Variants in PIK3R3 observed in about 807,000 individuals in gnomAD.
PIK3R3 encodes the protein phosphoinositide-3-kinase regulatory subunit 3, also known as phosphatidylinositol 3-kinase regulatory subunit gamma.
In PIK3R3, 64 loss-of-function variants were observed where a neutral mutation model predicts 62.9. That is an observed-to-expected ratio of 1.02 (90% CI 0.83 to 1.25). PIK3R3 has a LOEUF of 1.25. PIK3R3 is among the 50% of genes most tolerant of loss of function. PIK3R3 has a pLI of 0.00. For missense variants in PIK3R3, 614 were observed against 561.6 expected, an observed-to-expected ratio of 1.09 and a Z score of -0.94; for synonymous variants, 165 against 189.0, an observed-to-expected ratio of 0.87 and a Z score of 1.04.
In PIK3R3 at chr1:46,041,240, ACTGGT is replaced by A. The variant is rs1646991324; in HGVS notation, c.*2428_*2432del. 6.5e-6 allele frequency: 1 copy of A among 154,382 alleles called. No individual in the cohort carries two copies. Among genetic ancestry groups the A allele is most frequent in the Admixed American group, 6.5e-5 (1 of 15,302 alleles). The allele number at this position is 154,382 out of a possible 1,614,324, so 9.6% of individuals were successfully genotyped here. A position where few individuals can be genotyped will look rare whatever the true frequency, so the allele number is the denominator to read the frequency against. On this transcript the variant is annotated 3_prime_UTR_variant, in exon 10 of 10. Transcript: ENST00000262741. ...ACACACCAGGCCCAGTGGGTAGTAG[ACTGGT>A]CCCTATGCCATTTCCACAGGCTCAG...
rs533218453 is a variant in PIK3R3, at chr1:46,132,052, C to A, written c.-100G>T. On this transcript the variant is annotated 5_prime_UTR_variant, in exon 1 of 10. Coordinates refer to ENST00000262741, the MANE Select transcript of PIK3R3 (RefSeq NM_003629.4). ...AATATATATCTGCAAAAGTTCCACACGGAAATGTACTTCGGGTTTTCCAAC... is the reference window on the plus strand; with the variant it reads ...AATATATATCTGCAAAAGTTCCACAAGGAAATGTACTTCGGGTTTTCCAAC... 37 of 1,496,870 alleles carry A rather than the reference C, an allele frequency of 2.5e-5. No individual in the cohort carries two copies. The Admixed American group carries it at 3.1e-4, about 12-fold the overall frequency. The allele number at this position is 1,496,870 out of a possible 1,614,324, so 92.7% of individuals were successfully genotyped here. A position where few individuals can be genotyped will look rare whatever the true frequency, so the allele number is the denominator to read the frequency against.
intron 1 of PIK3R3, among the ~76,000 whole-genome samples, chr1:46,123,917 T>C (rs1654877191): frequency 6.6e-6 from 1 of 152,160 alleles, no homozygotes; most frequent in Non-Finnish European, 1.5e-5. Context: ...CAAGAGGCAA[T>C]AGAAACTAAA....
At chr1:46,058,692 T>C (rs1048955648) in intron 6 of PIK3R3, among the ~76,000 whole-genome samples, 7 of 152,198 alleles carry the variant, frequency 4.6e-5, no homozygotes, top group African/African-American at 1.7e-4. Context: ...TTTCTTCCAT[T>C]TGGAACAGGT....
chr1:46,156,248 T>A, the PIK3R3 span, among the ~76,000 whole-genome samples: 4 of 149,632 alleles, frequency 2.7e-5, no homozygotes, highest in Non-Finnish European at 5.9e-5. Context: ...ATTTCCTGTT[T>A]AAAAAAAAAA....
At chr1:46,133,432 C>T (rs978143934), upstream of PIK3R3, among the ~76,000 whole-genome samples, 9 of 152,294 alleles carry the variant, frequency 5.9e-5, no homozygotes, top group Non-Finnish European at 5.9e-5. Flanking sequence ...AGAGGGGGCA[C>T]GTTCTGTCAC....
chr1:46,155,396 G>C, the PIK3R3 span, among the ~76,000 whole-genome samples: 1 of 150,092 alleles, frequency 6.7e-6, no homozygotes, highest in African/African-American at 2.4e-5. Context: ...TTACATCTCT[G>C]TATAGCCAGT....
intron 4 of PIK3R3, 142 bp from the exon 5 acceptor site, chr1:46,066,321 G>C: frequency 1.6e-6 from 1 of 609,720 alleles, no homozygotes; most frequent in East Asian, 2.9e-5. Context: ...TTAAGCCACT[G>C]TATTAATATC....
chr1:46,071,609 A>C (rs533632633), intron 3 of PIK3R3, among the ~76,000 whole-genome samples: 1 of 148,246 alleles, frequency 6.7e-6, no homozygotes, highest in South Asian at 2.2e-4. Context: ...CAGGAGAATC[A>C]CTTGAACCTG....
chr1:46,083,657 T>A (rs1469090508), intron 1 of PIK3R3, among the ~76,000 whole-genome samples: 1 of 152,106 alleles, frequency 6.6e-6, no homozygotes, highest in East Asian at 1.9e-4. Context: ...GACAAACAAG[T>A]GGCCAATAAG....
intron 1 of PIK3R3, among the ~76,000 whole-genome samples, chr1:46,090,392 C>A (rs941687765): frequency 6.6e-6 from 1 of 151,946 alleles, no homozygotes; most frequent in South Asian, 2.1e-4. Context: ...AGTGCGGTGG[C>A]GCAATCTCGG....
rs1647030016 is a variant in PIK3R3, at chr1:46,043,393, T to C, written c.*280A>G. The C allele has an allele frequency of 4.4e-6, 2 of 454,238 alleles. No homozygotes were observed. The highest frequency in any genetic ancestry group is 3.5e-5 in the Admixed American group (1 of 28,520). The allele number at this position is 454,238 out of a possible 1,614,324, so 28.1% of individuals were successfully genotyped here. On this transcript the variant is annotated 3_prime_UTR_variant, in exon 10 of 10. Coordinates refer to ENST00000262741, the MANE Select transcript of PIK3R3 (RefSeq NM_003629.4). The stretch of plus-strand genomic sequence containing the variant: ...CAAGCCTAATATTCTGTTGAGGGTG[T>C]CTGGCTAAACAAAACAAAAACCCCA...
At chr1:46,056,050 T>G in intron 6 of PIK3R3, 79 bp from the exon 7 acceptor site, 1 of 896,696 alleles carries the variant, frequency 1.1e-6, no homozygotes, top group Admixed American at 3.1e-5. Flanking sequence ...GGTCCTAATA[T>G]CCTTTTTTTT....
chr1:46,066,101 T>C lies in PIK3R3; in HGVS notation c.574A>G (p.Ser192Gly). 2 of 1,604,876 alleles carry C rather than the reference T, an allele frequency of 1.2e-6. No individual in the cohort carries two copies. The highest frequency in any genetic ancestry group is 1.7e-6 in the Non-Finnish European group (2 of 1,171,940). Reference protein sequence around the residue: ...QEYHSQYQEKSKEYDRLYEEY... With the variant: ...QEYHSQYQEKGKEYDRLYEEY... ...TCATACAGCCTATCATACTCTTTAC[T>C]CTTCTCCTGATACTGAGAGTGGTAT... Residue 192 changes from serine (S) to glycine (G), a missense_variant, in exon 5 of 10, where the codon AGT becomes GGT. By Grantham distance (56) the Ser-to-Gly change is moderately conservative. Transcript: ENST00000262741.
At chr1:46,174,281 C>A in the PIK3R3 span, among the ~76,000 whole-genome samples, 1 of 152,072 alleles carries the variant, frequency 6.6e-6, no homozygotes, top group Non-Finnish European at 1.5e-5. Flanking sequence ...TTGAGCATGG[C>A]CCAAGCACCT....
chr1:46,073,123 T>C (rs183719659), intron 3 of PIK3R3, among the ~76,000 whole-genome samples: 18 of 152,086 alleles, frequency 1.2e-4, no homozygotes, highest in African/African-American at 3.6e-4. Flanking sequence ...GAGAAGAAAA[T>C]AGACAGTGAG....
intron 3 of PIK3R3, among the ~76,000 whole-genome samples, chr1:46,071,688 T>C (rs1170460465): frequency 6.7e-5 from 3 of 44,994 alleles, no homozygotes; most frequent in Non-Finnish European, 1.3e-4. Context: ...AGAGCAAGAC[T>C]CTGTCTCCAA....
At chr1:46,171,000 A>G in the PIK3R3 span, among the ~76,000 whole-genome samples, 1 of 152,266 alleles carries the variant, frequency 6.6e-6, no homozygotes, top group Admixed American at 6.5e-5. Flanking sequence ...TGTGAACTCC[A>G]TGAATCTAGA....
intron 1 of PIK3R3, among the ~76,000 whole-genome samples, chr1:46,085,913 T>G (rs1206078669): frequency 6.6e-6 from 1 of 152,220 alleles, no homozygotes; most frequent in Non-Finnish European, 1.5e-5. Flanking sequence ...TTGGGTTTTT[T>G]TCAAAATTGT....
chr1:46,053,018 C>T (rs368721764), intron 7 of PIK3R3, among the ~76,000 whole-genome samples: 6 of 152,142 alleles, frequency 3.9e-5, no homozygotes, highest in East Asian at 1.9e-4. Context: ...TCTTCAGGAC[C>T]GACTATACAA....
Sources: allele counts gnomAD v4.1 joint callset (sites outside exome capture counted in the v4.1 genomes callset), GRCh38; gene constraint gnomAD v4.1.1; transcripts MANE v1.5; gene names NCBI Gene and HGNC (gene_info 2026-07-23, HGNC 2026-07-21).